The following BHLHE22 variants were observed in gnomAD, a reference collection of about 807,000 sequenced individuals.
BHLHE22 encodes basic helix-loop-helix family member e22.
BHLHE22 carries 8 observed loss-of-function variants against 17.6 expected under a neutral mutation model. That is an observed-to-expected ratio of 0.45 (90% CI 0.27 to 0.82). The LOEUF (loss-of-function observed/expected upper bound fraction) is 0.82, where lower values mean the gene tolerates loss of function less well. Among genes scored for constraint, BHLHE22 ranks in the 40% least tolerant of loss-of-function variants. BHLHE22 has a pLI of 0.16. For missense variants in BHLHE22, 570 were observed against 581.5 expected (o/e 0.98, Z 0.20); for synonymous variants, 353 against 282.7 (o/e 1.25, Z -2.49).
In BHLHE22 at chr8:64,581,457, A is replaced by AGCG. The variant is rs752477418; in HGVS notation, c.673_675dup (p.Gly225dup). ...CGGCGGTGGCGGTAGCGGTAGCGGC[A>AGCG]GCGGCGGCAGCAGCAGCAGCAGCAG... On this transcript the variant is annotated inframe_insertion, in exon 1 of 1. Transcript: ENST00000321870. The surrounding 1 kb of genome is among the most constrained non-coding windows in gnomAD (Gnocchi z 6.4). The AGCG allele has an allele frequency of 4.2e-5, 64 of 1,533,408 alleles. 1 individual carries two copies. Among genetic ancestry groups the AGCG allele is most frequent in the South Asian group, 3.3e-4 (28 of 84,048 alleles). 95.0% of individuals were successfully genotyped at this position (1,533,408 alleles called of 1,614,324 possible).
chr8:64,582,105 T>A lies in BHLHE22; in HGVS notation c.*169T>A. 1 of 701,064 alleles carries A rather than the reference T, an allele frequency of 1.4e-6. No homozygotes were observed. The highest frequency in any genetic ancestry group is 2.3e-6 in the Non-Finnish European group (1 of 440,718). 43.4% of individuals were successfully genotyped at this position (701,064 alleles called of 1,614,324 possible). A position where few individuals can be genotyped will look rare whatever the true frequency, so the allele number is the denominator to read the frequency against. ...CAGAGACAAACGGGACTTTTAGCCT[T>A]GACATCCCCAGAATCTCGGTCTTTG... On this transcript the variant is annotated 3_prime_UTR_variant, in exon 1 of 1. Coordinates refer to ENST00000321870, the MANE Select transcript of BHLHE22 (RefSeq NM_152414.5).
Position 64,581,860 on chromosome 8 carries a change from C to T in BHLHE22, c.1070C>T (p.Ala357Val). The T allele has an allele frequency of 6.2e-7, 1 of 1,608,574 alleles. No individual in the cohort carries two copies. The highest frequency in any genetic ancestry group is 8.5e-7 in the Non-Finnish European group (1 of 1,179,494). ...TTCAGCGCCGGACTGCCCCCGGCTG[C>T]CTCCTGCCCGGAGAAGTGCGCCCTG... ...YPFSAGLPPA[A>V]SCPEKCALFN... is the part of the protein sequence containing the mutation. The change falls in exon 1 of 1, where the codon GCC becomes GTC. Residue 357 changes from alanine to valine, a missense_variant. Transcript: ENST00000321870. The surrounding 1 kb of genome is among the most constrained non-coding windows in gnomAD (Gnocchi z 6.4).
Position 64,581,041 on chromosome 8 carries a change from G to C in BHLHE22, c.251G>C (p.Gly84Ala). 7.5e-7 allele frequency: 1 copy of C among 1,327,960 alleles called. No homozygotes were observed. The highest frequency in any genetic ancestry group is 9.5e-7 in the Non-Finnish European group (1 of 1,049,162). 82.3% of individuals were successfully genotyped at this position (1,327,960 alleles called of 1,614,324 possible). The change falls in exon 1 of 1, where the codon GGC becomes GCC. Residue 84 changes from glycine (G) to alanine (A), a missense_variant. Coordinates refer to ENST00000321870, the MANE Select transcript of BHLHE22 (RefSeq NM_152414.5). This position sits in a 1 kb window ranked among gnomAD's most constrained non-coding sequence, Gnocchi z 6.4. ...GLLLPPPGGG[G>A]GGSAGSGGGG... ...CTGTTGCCGCCGCCTGGAGGAGGCG[G>C]CGGCGGCAGCGCGGGAAGTGGCGGC...
At position 64,580,859 on chromosome 8, in the gene BHLHE22, G is replaced by C. The variant is rs745793988; in HGVS notation, c.69G>C (p.Leu23=). 2.6e-6 allele frequency: 4 copies of C among 1,510,982 alleles called. No homozygotes were observed. The highest frequency in any genetic ancestry group is 2.5e-5 in the South Asian group (2 of 80,146). The allele number at this position is 1,510,982 out of a possible 1,614,324, so 93.6% of individuals were successfully genotyped here. ...GEDDLFLHKS[L]SASTSKRLEA... ...ACGACCTCTTCCTGCACAAGAGCCT[G>C]AGCGCCTCCACCTCCAAGCGCTTGG... Residue 23 remains leucine, a synonymous_variant, in exon 1 of 1, where the codon CTG becomes CTC. Transcript: ENST00000321870.
In BHLHE22 at chr8:64,580,882, T is replaced by C. The variant is rs1338464977; in HGVS notation, c.92T>C (p.Leu31Ser). 4 of 1,520,452 alleles carry C rather than the reference T, an allele frequency of 2.6e-6. No individual in the cohort carries two copies. Among genetic ancestry groups the C allele is most frequent in the East Asian group, 2.7e-5 (1 of 36,710 alleles). 94.2% of individuals were successfully genotyped at this position (1,520,452 alleles called of 1,614,324 possible). ...KSLSASTSKRLEAAFRSTPPG... is the reference protein window; with the variant it reads ...KSLSASTSKRSEAAFRSTPPG... The stretch of plus-strand genomic sequence containing the variant: ...CTGAGCGCCTCCACCTCCAAGCGCT[T>C]GGAAGCGGCTTTCCGCTCCACGCCC... The change falls in exon 1 of 1, where the codon TTG becomes TCG. Residue 31 changes from leucine to serine, a missense_variant. By Grantham distance (145) the Leu-to-Ser change is moderately radical. Around this residue, in one of 3 missense-constraint regions of BHLHE22, gnomAD observed 427 missense variants for 376.2 expected, o/e 1.14. Coordinates refer to ENST00000321870, the MANE Select transcript of BHLHE22 (RefSeq NM_152414.5).
In BHLHE22 at chr8:64,581,597, C is replaced by G; in HGVS notation, c.807C>G (p.Ile269Met). The G allele has an allele frequency of 6.2e-7, 1 of 1,612,760 alleles. No individual in the cohort carries two copies. The highest frequency in any genetic ancestry group is 8.5e-7 in the Non-Finnish European group (1 of 1,179,832). ...CGCTGGACGAGCTGCGCGCGGTGAT[C>G]CCCTACGCGCACAGCCCCTCGGTGC... The part of the protein sequence containing the change: ...NDALDELRAV[I>M]PYAHSPSVRK... Residue 269 changes from isoleucine to methionine, a missense_variant, in exon 1 of 1, where the codon ATC (isoleucine) becomes ATG (methionine). Physicochemically the swap from Ile to Met is conservative, Grantham distance 10. Around this residue, in one of 3 missense-constraint regions of BHLHE22, gnomAD observed 32 missense variants for 83.3 expected, o/e 0.38. Coordinates refer to ENST00000321870, the MANE Select transcript of BHLHE22 (RefSeq NM_152414.5). The surrounding 1 kb of genome is among the most constrained non-coding windows in gnomAD (Gnocchi z 6.4).
At position 64,580,966 on chromosome 8, in the gene BHLHE22, C is replaced by T. The variant is rs749507057; in HGVS notation, c.176C>T (p.Ser59Leu). 7.0e-7 allele frequency: 1 copy of T among 1,437,130 alleles called. No individual in the cohort carries two copies. The highest frequency in any genetic ancestry group is 1.5e-5 in the South Asian group (1 of 65,880). The allele number at this position is 1,437,130 out of a possible 1,614,324, so 89.0% of individuals were successfully genotyped here. A position where few individuals can be genotyped will look rare whatever the true frequency, so the allele number is the denominator to read the frequency against. The change falls in exon 1 of 1, where the codon TCG (serine) becomes TTG (leucine). Residue 59 changes from serine to leucine, a missense_variant. Ser to Leu is a moderately radical substitution (Grantham distance 145, BLOSUM62 -2). Around this residue, in one of 3 missense-constraint regions of BHLHE22, gnomAD observed 427 missense variants for 376.2 expected, o/e 1.14. Coordinates refer to ENST00000321870, the MANE Select transcript of BHLHE22 (RefSeq NM_152414.5). ...CGGGAACGCCCGGCGTCCTCCTCCT[C>T]GTCGCCCCTGGGCTGCTTCGAGCCG... is the stretch of plus-strand genomic sequence containing the variant. ...PPRERPASSS[S>L]SPLGCFEPAD...
Position 64,581,907 on chromosome 8 carries a change from C to T in BHLHE22, c.1117C>T (p.Leu373Phe). 1 of 1,611,660 alleles carries T rather than the reference C, an allele frequency of 6.2e-7. No individual in the cohort carries two copies. Among genetic ancestry groups the T allele is most frequent in the Non-Finnish European group, 8.5e-7 (1 of 1,179,748 alleles). Reference protein sequence around the residue: ...CALFNSVSSSLCKQCTEKP With the variant: ...CALFNSVSSSFCKQCTEKP ...CCTGTTTAACAGCGTCTCCTCCAGCCTCTGCAAACAGTGCACGGAGAAGCC... is the reference window on the plus strand; with the variant it reads ...CCTGTTTAACAGCGTCTCCTCCAGCTTCTGCAAACAGTGCACGGAGAAGCC... Residue 373 changes from leucine (L) to phenylalanine (F), a missense_variant, in exon 1 of 1, where the codon CTC becomes TTC. This residue lies in a region of BHLHE22 where 111 missense variants were observed against 122.0 expected (regional missense o/e 0.91). Coordinates refer to ENST00000321870, the MANE Select transcript of BHLHE22 (RefSeq NM_152414.5). This position sits in a 1 kb window ranked among gnomAD's most constrained non-coding sequence, Gnocchi z 6.4.
At position 64,581,955 on chromosome 8, in the gene BHLHE22, C is replaced by G; in HGVS notation, c.*19C>G. On this transcript the variant is annotated 3_prime_UTR_variant, in exon 1 of 1. Transcript: ENST00000321870. The surrounding 1 kb of genome is among the most constrained non-coding windows in gnomAD (Gnocchi z 6.4). ...GCCTTAAACACACCCCCGAAAAACACAAGACCGACCCAAAATCTAGAGGAA... is the reference window on the plus strand; with the variant it reads ...GCCTTAAACACACCCCCGAAAAACAGAAGACCGACCCAAAATCTAGAGGAA... 6.2e-7 allele frequency: 1 copy of G among 1,609,578 alleles called. No homozygotes were observed. The highest frequency in any genetic ancestry group is 8.5e-7 in the Non-Finnish European group (1 of 1,178,814).
chr8:64,581,425 G>A lies in BHLHE22; in HGVS notation c.635G>A (p.Ser212Asn). The A allele has an allele frequency of 6.5e-7, 1 of 1,536,648 alleles. No homozygotes were observed. The change falls in exon 1 of 1, where the codon AGC becomes AAC. Residue 212 changes from serine to asparagine, a missense_variant. Around this residue, in one of 3 missense-constraint regions of BHLHE22, gnomAD observed 427 missense variants for 376.2 expected, o/e 1.14. Transcript: ENST00000321870. This position sits in a 1 kb window ranked among gnomAD's most constrained non-coding sequence, Gnocchi z 6.4. ...GGCGGCGGGGGTAGCAGCAGCGGTA[G>A]CAGTGGCGGCGGTGGCGGTAGCGGT... ...GGGGGGSSSG[S>N]SGGGGGSGSG...
In BHLHE22 at chr8:64,581,616, T is replaced by G. The variant is rs1804904528; in HGVS notation, c.826T>G (p.Ser276Ala). 1 of 1,613,034 alleles carries G rather than the reference T, an allele frequency of 6.2e-7. No homozygotes were observed. The highest frequency in any genetic ancestry group is 1.3e-5 in the African/African-American group (1 of 74,974). ...GGTGATCCCCTACGCGCACAGCCCC[T>G]CGGTGCGAAAGCTCTCCAAGATCGC... is the stretch of plus-strand genomic sequence containing the variant. ...RAVIPYAHSPSVRKLSKIATL... is the reference protein window; with the variant it reads ...RAVIPYAHSPAVRKLSKIATL... The change falls in exon 1 of 1, where the codon TCG becomes GCG. Residue 276 changes from serine (S) to alanine (A), a missense_variant. Ser to Ala is a moderately conservative substitution (Grantham distance 99). Around this residue, in one of 3 missense-constraint regions of BHLHE22, gnomAD observed 32 missense variants for 83.3 expected, o/e 0.38. Coordinates refer to ENST00000321870, the MANE Select transcript of BHLHE22 (RefSeq NM_152414.5). This position sits in a 1 kb window ranked among gnomAD's most constrained non-coding sequence, Gnocchi z 6.4.
rs781243777 is a variant in BHLHE22 at position 64,581,501 on chromosome 8, C to A, written c.711C>A (p.Ser237=). The change falls in exon 1 of 1, where the codon TCC becomes TCA. Residue 237 remains serine (S), a synonymous_variant. Coordinates refer to ENST00000321870, the MANE Select transcript of BHLHE22 (RefSeq NM_152414.5). The surrounding 1 kb of genome is among the most constrained non-coding windows in gnomAD (Gnocchi z 6.4). ...SSSSSSSSKK[S]KEQKALRLNI... ...GCAGCAGCAGCAGCAGCAAGAAATC[C>A]AAAGAGCAAAAGGCGCTGCGGCTTA... is the stretch of plus-strand genomic sequence containing the variant. 1 of 1,592,282 alleles carries A rather than the reference C, an allele frequency of 6.3e-7. No individual in the cohort carries two copies. Among genetic ancestry groups the A allele is most frequent in the East Asian group, 2.3e-5 (1 of 44,056 alleles).
chr8:64,583,590 A>G lies in BHLHE22; in HGVS notation c.*1654A>G, dbSNP rs1397164625. The G allele has an allele frequency of 1.2e-5, 2 of 167,090 alleles. No homozygotes were observed. Among genetic ancestry groups the G allele is most frequent in the African/African-American group, 4.8e-5 (2 of 41,456 alleles). The allele number at this position is 167,090 out of a possible 1,614,324, so 10.4% of individuals were successfully genotyped here. ...TGTACGACCATTTGTATGTGTATCTATGTCAGAAAGAATCTTTATTAAAAT... is the reference window on the plus strand; with the variant it reads ...TGTACGACCATTTGTATGTGTATCTGTGTCAGAAAGAATCTTTATTAAAAT... On this transcript the variant is annotated 3_prime_UTR_variant, in exon 1 of 1. Coordinates refer to ENST00000321870, the MANE Select transcript of BHLHE22 (RefSeq NM_152414.5).
Position 64,582,554 on chromosome 8 carries a change from A to AT in BHLHE22, c.*624dup, listed in dbSNP as rs1447562262. On this transcript the variant is annotated 3_prime_UTR_variant, in exon 1 of 1. Transcript: ENST00000321870. ...AGACATGTTACTATGAAAGACTTGT[A>AT]TTTTTTATTGTCTCTGAACTTTAAT... 6.0e-6 allele frequency: 1 copy of AT among 167,058 alleles called. No homozygotes were observed. Among genetic ancestry groups the AT allele is most frequent in the Non-Finnish European group, 1.5e-5 (1 of 68,126 alleles). 10.3% of individuals were successfully genotyped at this position (167,058 alleles called of 1,614,324 possible).
At position 64,582,110 on chromosome 8, in the gene BHLHE22, T is replaced by C; in HGVS notation, c.*174T>C. 3 of 390,610 alleles carry C rather than the reference T, an allele frequency of 7.7e-6. No individual in the cohort carries two copies. Among genetic ancestry groups the C allele is most frequent in the East Asian group, 2.1e-4 (2 of 9,430 alleles). 24.2% of individuals were successfully genotyped at this position (390,610 alleles called of 1,614,324 possible). The stretch of plus-strand genomic sequence containing the variant: ...ACAAACGGGACTTTTAGCCTTGACA[T>C]CCCCAGAATCTCGGTCTTTGGGGTG... On this transcript the variant is annotated 3_prime_UTR_variant, in exon 1 of 1. Coordinates refer to ENST00000321870, the MANE Select transcript of BHLHE22 (RefSeq NM_152414.5).
In BHLHE22 at chr8:64,581,187, G is replaced by T; in HGVS notation, c.397G>T (p.Ala133Ser). Residue 133 changes from alanine (A) to serine (S), a missense_variant, in exon 1 of 1, where the codon GCG becomes TCG. Ala to Ser is a moderately conservative substitution (Grantham distance 99). Transcript: ENST00000321870. This position sits in a 1 kb window ranked among gnomAD's most constrained non-coding sequence, Gnocchi z 6.4. Reference sequence around the variant, plus strand: ...CCTTTGCCTCAAGTACGGCGAAAGCGCGAGCCGGGGCTCGGTGGCCGAGAG... The same window carrying T: ...CCTTTGCCTCAAGTACGGCGAAAGCTCGAGCCGGGGCTCGGTGGCCGAGAG... ...AALCLKYGES[A>S]SRGSVAESSG... 1 of 1,427,514 alleles carries T rather than the reference G, an allele frequency of 7.0e-7. No individual in the cohort carries two copies. The highest frequency in any genetic ancestry group is 1.5e-5 in the African/African-American group (1 of 67,506). 88.4% of individuals were successfully genotyped at this position (1,427,514 alleles called of 1,614,324 possible). A position where few individuals can be genotyped will look rare whatever the true frequency, so the allele number is the denominator to read the frequency against.
chr8:64,582,945 T>C lies in BHLHE22; in HGVS notation c.*1009T>C, dbSNP rs1804926226. On this transcript the variant is annotated 3_prime_UTR_variant, in exon 1 of 1. Transcript: ENST00000321870. ...CACCTGGATATTTTCAGTTGCATCA[T>C]CCCTGTATTTAAATTGAGCTTTAAT... The C allele has an allele frequency of 6.0e-6, 1 of 166,930 alleles. No homozygotes were observed. The highest frequency in any genetic ancestry group is 2.1e-4 in the South Asian group (1 of 4,834). 10.3% of individuals were successfully genotyped at this position (166,930 alleles called of 1,614,324 possible).
Position 64,580,654 on chromosome 8 carries a change from C to A in BHLHE22, c.-137C>A. On this transcript the variant is annotated 5_prime_UTR_variant, in exon 1 of 1. Transcript: ENST00000321870. Reference sequence around the variant, plus strand: ...AAAAGAAAGAAGGGGAGAGGGCTCCCGGCAGCACCAGGACCGACGCGCGCA... The same window carrying A: ...AAAAGAAAGAAGGGGAGAGGGCTCCAGGCAGCACCAGGACCGACGCGCGCA... 1 of 313,618 alleles carries A rather than the reference C, an allele frequency of 3.2e-6. No individual in the cohort carries two copies. The highest frequency in any genetic ancestry group is 4.7e-6 in the Non-Finnish European group (1 of 213,944). The allele number at this position is 313,618 out of a possible 1,614,324, so 19.4% of individuals were successfully genotyped here. A position where few individuals can be genotyped will look rare whatever the true frequency, so the allele number is the denominator to read the frequency against.
chr8:64,580,972 C>T lies in BHLHE22; in HGVS notation c.182C>T (p.Pro61Leu). The stretch of plus-strand genomic sequence containing the variant: ...CGCCCGGCGTCCTCCTCCTCGTCGC[C>T]CCTGGGCTGCTTCGAGCCGGCTGAC... ...RERPASSSSS[P>L]LGCFEPADPE... The change falls in exon 1 of 1, where the codon CCC becomes CTC. Residue 61 changes from proline to leucine, a missense_variant. Transcript: ENST00000321870. 7.1e-7 allele frequency: 1 copy of T among 1,403,466 alleles called. No individual in the cohort carries two copies. The highest frequency in any genetic ancestry group is 9.2e-7 in the Non-Finnish European group (1 of 1,085,412). 86.9% of individuals were successfully genotyped at this position (1,403,466 alleles called of 1,614,324 possible). A position where few individuals can be genotyped will look rare whatever the true frequency, so the allele number is the denominator to read the frequency against.
Sources: allele counts gnomAD v4.1 joint callset, GRCh38; gene constraint gnomAD v4.1.1; regional missense constraint gnomAD v4.1.1; non-coding constraint Gnocchi (gnomAD v3.1); transcripts MANE v1.5; gene names NCBI Gene and HGNC (gene_info 2026-07-23, HGNC 2026-07-21).